MICOS13: variants seen among roughly 807,000 people sequenced by gnomAD.
MICOS13 encodes MICOS complex subunit MIC13.
Under a neutral mutation model 16.1 loss-of-function variants are expected in MICOS13, and 15 were observed. That is an observed-to-expected ratio of 0.93 (90% CI 0.62 to 1.44). MICOS13 has a LOEUF of 1.44. Among genes scored for constraint, MICOS13 ranks in the 40% most tolerant of loss-of-function variants. The pLI is 0.00. For synonymous variants in MICOS13, 61 were observed against 62.6 expected (o/e 0.97, Z 0.12); for missense variants, 164 against 155.0 (o/e 1.06, Z -0.31).
Position 5,678,654 on chromosome 19 carries a change from G to A in MICOS13, c.260-6C>T. The A allele has an allele frequency of 1.3e-6, 2 of 1,520,790 alleles. No homozygotes were observed. The highest frequency in any genetic ancestry group is 2.6e-5 in the East Asian group (1 of 39,070). 94.2% of individuals were successfully genotyped at this position (1,520,790 alleles called of 1,614,324 possible). ...TGACATCACCGTCATGATGCCTGTG[G>A]GAAAGGGACGGCCACTGGTGATACT... On this transcript the variant is annotated splice_region_variant and splice_polypyrimidine_tract_variant and intron_variant, in intron 3 of 3. Transcript: ENST00000309324.
intron 3 of MICOS13, 149 bp from the exon 4 acceptor site, chr19:5,678,797 A>ACT (rs2054478180): frequency 1.6e-6 from 1 of 613,006 alleles, no homozygotes; most frequent in African/African-American, 1.9e-5. Flanking sequence ...GCTGGAGTGC[A>ACT]GTAGTGCAAT....
At chr19:5,680,374 A>G (rs2054512527) in intron 1 of MICOS13, 84 bp downstream of exon 1, 1 of 1,604,882 alleles carries the variant, frequency 6.2e-7, no homozygotes, top group Non-Finnish European at 8.5e-7. Flanking sequence ...AGCGAAGAGC[A>G]GATCGGGACC....
At chr19:5,679,536 C>T in intron 2 of MICOS13, 50 bp downstream of exon 2, 5 of 1,600,332 alleles carry the variant, frequency 3.1e-6, no homozygotes, top group Non-Finnish European at 4.3e-6. Context: ...GAGGGACCTC[C>T]CAGAGCTGAC....
intron 1 of MICOS13, chr19:5,680,031 G>T (rs1462873462): frequency 6.6e-7 from 1 of 1,512,768 alleles, no homozygotes; most frequent in Admixed American, 2.3e-5. Flanking sequence ...GTGAGCAGGG[G>T]CAGTGAAGAC....
At chr19:5,680,167 T>C (rs1398042422) in intron 1 of MICOS13, 1 of 1,536,278 alleles carries the variant, frequency 6.5e-7, no homozygotes, top group Non-Finnish European at 8.7e-7. Flanking sequence ...AGCGGCAGGA[T>C]TCACCGGCAT....
chr19:5,678,830 C>T, intron 3 of MICOS13, 182 bp from the exon 4 acceptor site: 1 of 547,508 alleles, frequency 1.8e-6, no homozygotes, highest in South Asian at 2.2e-5. Context: ...CAACCTTCGC[C>T]TCCTGGGTTC....
At chr19:5,680,081 A>T (rs1363820479) in intron 1 of MICOS13, 3 of 1,533,644 alleles carry the variant, frequency 2.0e-6, no homozygotes, top group Non-Finnish European at 2.6e-6. Flanking sequence ...AGCCCTGGAG[A>T]AACCAAGTGT....
At chr19:5,678,802 T>C in intron 3 of MICOS13, 154 bp from the exon 4 acceptor site, 1 of 602,480 alleles carries the variant, frequency 1.7e-6, no homozygotes, top group Non-Finnish European at 2.8e-6. Flanking sequence ...AGTGCAGTAG[T>C]GCAATCTCGG....
At chr19:5,679,992 G>A (rs116939229) in intron 1 of MICOS13, 50,774 of 1,477,280 alleles carry the variant, frequency 0.034, 1,054 homozygotes, top group Admixed American at 0.068. Context: ...AAACCCAGAG[G>A]GGGAGAGTGG....
intron 2 of MICOS13, 34 bp downstream of exon 2, chr19:5,679,552 G>A (rs1334382943): frequency 1.1e-5 from 18 of 1,602,414 alleles, no homozygotes; most frequent in Non-Finnish European, 1.4e-5. Context: ...CTGACCACCC[G>A]CCAAACCCTG....
chr19:5,679,584 A>AC lies in MICOS13; in HGVS notation c.207+1dup, dbSNP rs1261587496. The AC allele has an allele frequency of 6.2e-7, 1 of 1,609,670 alleles. No homozygotes were observed. The highest frequency in any genetic ancestry group is 1.3e-5 in the African/African-American group (1 of 74,708). On this transcript the variant is annotated splice_donor_variant, in intron 2 of 3. Coordinates refer to ENST00000309324, the MANE Select transcript of MICOS13 (RefSeq NM_205767.3). LOFTEE classifies it high-confidence loss of function. ...CCTGGCCTCGTTCCCGGCCCGTAGT[A>AC]CCTGGGGTATCTGCAGGCCTGTCTG...
At position 5,678,599 on chromosome 19, in the gene MICOS13, G is replaced by A. The variant is rs770955603; in HGVS notation, c.309C>T (p.Arg103=). 66 of 1,548,298 alleles carry A rather than the reference G, an allele frequency of 4.3e-5. No individual in the cohort carries two copies. Among genetic ancestry groups the A allele is most frequent in the Middle Eastern group, 3.4e-4 (2 of 5,870 alleles). The part of the protein sequence containing the change: ...SALSVAPSKA[R]EYSKEGWEYV... Reference sequence around the variant, plus strand: ...ACTCCCAGCCCTCCTTGGAGTACTCGCGGGCCTTGGAGGGGGCCACCGACA... The same window carrying A: ...ACTCCCAGCCCTCCTTGGAGTACTCACGGGCCTTGGAGGGGGCCACCGACA... Residue 103 remains arginine (R), a synonymous_variant, in exon 4 of 4, where the codon CGC becomes CGT. Transcript: ENST00000309324.
rs903285683 is a variant in MICOS13 at position 5,679,854 on chromosome 19, G to A, written c.30-91C>T. Reference sequence around the variant, plus strand: ...CCCACGGGGAGAGTGAGACCCTCCTGAGGGCTCACCGTCCACAGGGTGACA... The same window carrying A: ...CCCACGGGGAGAGTGAGACCCTCCTAAGGGCTCACCGTCCACAGGGTGACA... On this transcript the variant is annotated intron_variant, in intron 1 of 3. Transcript: ENST00000309324. The A allele has an allele frequency of 4.8e-6, 7 of 1,458,644 alleles. No homozygotes were observed. The African/African-American group carries it at 7.2e-5, about 15-fold the overall frequency. 90.4% of individuals were successfully genotyped at this position (1,458,644 alleles called of 1,614,324 possible).
chr19:5,680,397 G>A (rs758916696), intron 1 of MICOS13, 61 bp downstream of exon 1: 1 of 1,609,586 alleles, frequency 6.2e-7, no homozygotes, highest in East Asian at 2.2e-5. Context: ...ACTGGAGACA[G>A]GGATGCCCAC....
rs749801734 is a variant in MICOS13, at chr19:5,679,363, G to A, written c.241C>T (p.Arg81Cys). ...PAPPKIYFPIRDSWNAGIMTV... is the reference protein window; with the variant it reads ...PAPPKIYFPICDSWNAGIMTV... ...GCCTTACCTGCATTCCAGGAGTCACGGATGGGAAAGTAAATCTTTGGAGGG... is the reference window on the plus strand; with the variant it reads ...GCCTTACCTGCATTCCAGGAGTCACAGATGGGAAAGTAAATCTTTGGAGGG... Residue 81 changes from arginine (R) to cysteine (C), a missense_variant, in exon 3 of 4, where the codon CGT becomes TGT. Coordinates refer to ENST00000309324, the MANE Select transcript of MICOS13 (RefSeq NM_205767.3). The A allele has an allele frequency of 7.0e-5, 113 of 1,613,520 alleles. No individual in the cohort carries two copies. The highest frequency in any genetic ancestry group is 1.6e-4 in the Middle Eastern group (1 of 6,076).
intron 3 of MICOS13, 51 bp downstream of exon 3, chr19:5,679,294 A>AG: frequency 6.5e-7 from 1 of 1,537,522 alleles, no homozygotes; most frequent in Non-Finnish European, 8.9e-7. Flanking sequence ...AAGTGGGGAG[A>AG]GGGGCTAGAC....
At chr19:5,680,181 C>A in intron 1 of MICOS13, 1 of 1,537,080 alleles carries the variant, frequency 6.5e-7, no homozygotes, top group South Asian at 1.2e-5. Context: ...CCGGCATTCC[C>A]ACCTCACAGA....
chr19:5,678,844 C>T (rs2054479138), intron 3 of MICOS13, 196 bp from the exon 4 acceptor site: 3 of 525,678 alleles, frequency 5.7e-6, no homozygotes, highest in African/African-American at 2.0e-5. Context: ...TGGGTTCAAG[C>T]GATTCTCTTG....
At chr19:5,678,828 G>T in intron 3 of MICOS13, 180 bp from the exon 4 acceptor site, 1 of 548,512 alleles carries the variant, frequency 1.8e-6, no homozygotes, top group Non-Finnish European at 3.2e-6. Context: ...TGCAACCTTC[G>T]CCTCCTGGGT....
Sources: allele counts gnomAD v4.1 joint callset, GRCh38; gene constraint gnomAD v4.1.1; transcripts MANE v1.5; gene names NCBI Gene and HGNC (gene_info 2026-07-23, HGNC 2026-07-21).